Variants in SERPINA12 observed in about 807,000 individuals in gnomAD.
The protein encoded by SERPINA12 is serpin A12.
In SERPINA12, 21 loss-of-function variants were observed where a neutral mutation model predicts 25.9. The ratio of observed to expected loss-of-function variants is 0.81; its 90% CI spans 0.58 to 1.17. The LOEUF is 1.17. SERPINA12 is among the 50% of genes most tolerant of loss of function. The pLI, the probability that SERPINA12 is intolerant of heterozygous loss-of-function variation, is 0.00. For synonymous variants in SERPINA12, 220 were observed against 196.0 expected, an observed-to-expected ratio of 1.12 and a Z score of -1.02; for missense variants, 562 against 508.3, an observed-to-expected ratio of 1.11 and a Z score of -1.02.
chr14:94,502,348 C>T (rs942358796), intron 1 of SERPINA12, among the ~76,000 whole-genome samples: 7 of 152,144 alleles, frequency 4.6e-5, no homozygotes, highest in Non-Finnish European at 7.3e-5. Flanking sequence ...GTAGCATAGG[C>T]GGCTTAAGTC....
chr14:94,487,914 G>C (rs1323737175), intron 4 of SERPINA12, among the ~76,000 whole-genome samples: 1 of 152,140 alleles, frequency 6.6e-6, no homozygotes, highest in Non-Finnish European at 1.5e-5. Flanking sequence ...GAGGGAGAAG[G>C]ATTCTGGATT....
chr14:94,504,916 T>C (rs1403075507), intron 1 of SERPINA12, among the ~76,000 whole-genome samples: 1 of 152,172 alleles, frequency 6.6e-6, no homozygotes, highest in Non-Finnish European at 1.5e-5. Flanking sequence ...TAAAATAAAA[T>C]AAAATTCTTA....
At chr14:94,497,302 C>A (rs1900472708) in intron 2 of SERPINA12, among the ~76,000 whole-genome samples, 1 of 152,208 alleles carries the variant, frequency 6.6e-6, no homozygotes, top group African/African-American at 2.4e-5. Context: ...TGATCACCAT[C>A]ACCATAATCA....
At chr14:94,509,039 G>T (rs1167000700) in intron 1 of SERPINA12, among the ~76,000 whole-genome samples, 1 of 152,152 alleles carries the variant, frequency 6.6e-6, no homozygotes, top group East Asian at 1.9e-4. Context: ...ACAGTTAGCA[G>T]ATTCAGGACT....
At chr14:94,496,312 G>A in intron 3 of SERPINA12, 61 bp downstream of exon 3, 2 of 1,569,274 alleles carry the variant, frequency 1.3e-6, no homozygotes, top group Non-Finnish European at 1.7e-6. Context: ...AGCTCAGACA[G>A]CAGAAATAAG....
chr14:94,498,335 TAGA>T lies in SERPINA12; in HGVS notation c.60_62del (p.Leu21del). ...AATTCCTTGGTGAGAAGCTCGGCTTTAGAAGACCTTTCACCGTGAGGAGAACAG... is the reference window on the plus strand; with the variant it reads ...AATTCCTTGGTGAGAAGCTCGGCTTTAGACCTTTCACCGTGAGGAGAACAG... On this transcript the variant is annotated inframe_deletion, in exon 2 of 5. Transcript: ENST00000677451. 1.2e-6 allele frequency: 2 copies of T among 1,614,190 alleles called. No individual in the cohort carries two copies. Among genetic ancestry groups the T allele is most frequent in the Non-Finnish European group, 1.7e-6 (2 of 1,180,030 alleles).
At chr14:94,498,860 T>C (rs1900587883) in intron 1 of SERPINA12, among the ~76,000 whole-genome samples, 1 of 152,166 alleles carries the variant, frequency 6.6e-6, no homozygotes, top group South Asian at 2.1e-4. Context: ...TCTAAGGGAA[T>C]GCAAAACCCC....
intron 1 of SERPINA12, among the ~76,000 whole-genome samples, chr14:94,499,049 T>C (rs1900596580): frequency 6.6e-6 from 1 of 152,222 alleles, no homozygotes; most frequent in Non-Finnish European, 1.5e-5. Flanking sequence ...GCTACCCACT[T>C]CCATGTTTCC....
At chr14:94,509,936 G>A (rs1008450257), upstream of SERPINA12, 1 of 976,472 alleles carries the variant, frequency 1.0e-6, no homozygotes, top group Non-Finnish European at 1.2e-6. Flanking sequence ...CCCTGGCACT[G>A]CTATAGAATA....
At position 94,489,623 on chromosome 14, in the gene SERPINA12, G is replaced by A. The variant is rs374839437; in HGVS notation, c.1050C>T (p.Gly350=). Residue 350 remains glycine (G), a synonymous_variant, in exon 4 of 5, where the codon GGC becomes GGT. Transcript: ENST00000677451. The part of the protein sequence containing the change: ...KIAPHRSLKV[G]EAVHKAELKM... ...AGTCCAGGCTAGGCAGGCTTACCTCGCCCACTTTCAGGCTGCGATGAGGGG... is the reference window on the plus strand; with the variant it reads ...AGTCCAGGCTAGGCAGGCTTACCTCACCCACTTTCAGGCTGCGATGAGGGG... The A allele has an allele frequency of 3.3e-5, 54 of 1,613,698 alleles. No individual in the cohort carries two copies. Among genetic ancestry groups the A allele is most frequent in the African/African-American group, 6.7e-5 (5 of 74,888 alleles).
upstream of SERPINA12, among the ~76,000 whole-genome samples, chr14:94,512,413 A>G (rs1901134768): frequency 6.6e-6 from 1 of 152,250 alleles, no homozygotes; most frequent in South Asian, 2.1e-4. Context: ...GTGCTATCAA[A>G]TGCAAAGGCC....
intron 3 of SERPINA12, among the ~76,000 whole-genome samples, chr14:94,492,391 T>C (rs1900213648): frequency 6.6e-6 from 1 of 152,086 alleles, no homozygotes; most frequent in South Asian, 2.1e-4. Context: ...AATAATAGCA[T>C]TGAGATTTCC....
At chr14:94,509,929 T>C (rs1901065011), upstream of SERPINA12, 1 of 963,562 alleles carries the variant, frequency 1.0e-6, no homozygotes, top group Non-Finnish European at 1.2e-6. Context: ...GTGGGCACCC[T>C]GGCACTGCTA....
intron 3 of SERPINA12, 96 bp from the exon 4 acceptor site, chr14:94,489,863 G>A (rs1900088743): frequency 8.1e-7 from 1 of 1,239,610 alleles, no homozygotes; most frequent in Non-Finnish European, 1.1e-6. Context: ...TGTCCTCCCA[G>A]CCCCAAAGGT....
At chr14:94,494,041 C>T (rs1366778436) in intron 3 of SERPINA12, among the ~76,000 whole-genome samples, 2 of 152,126 alleles carry the variant, frequency 1.3e-5, no homozygotes, top group African/African-American at 4.8e-5. Context: ...GGAGTGCACT[C>T]AGGACAGTGA....
chr14:94,516,320 G>A (rs1240258591), intron 1 of SERPINA12, among the ~76,000 whole-genome samples: 1 of 152,184 alleles, frequency 6.6e-6, no homozygotes. Context: ...GGTATGAGTT[G>A]GGGCAGAATG....
upstream of SERPINA12, chr14:94,511,432 G>A (rs1901107103): frequency 4.1e-6 from 4 of 985,266 alleles, no homozygotes; most frequent in South Asian, 1.9e-4. Context: ...AAAAAAATAT[G>A]TGGATACAAC....
At chr14:94,498,493 C>A (rs1595693210) in intron 1 of SERPINA12, 63 bp from the exon 2 acceptor site, 4 of 1,337,786 alleles carry the variant, frequency 3.0e-6, no homozygotes, top group Non-Finnish European at 4.1e-6. Context: ...CAGAGGAAGA[C>A]CAGATGAAAG....
chr14:94,510,475 T>C (rs935581959), upstream of SERPINA12, among the ~76,000 whole-genome samples: 22 of 152,198 alleles, frequency 1.4e-4, no homozygotes, highest in African/African-American at 5.3e-4. Flanking sequence ...TTGGCATGAA[T>C]GTGGTGAAAG....
Sources: allele counts gnomAD v4.1 joint callset (sites outside exome capture counted in the v4.1 genomes callset), GRCh38; gene constraint gnomAD v4.1.1; transcripts MANE v1.5; gene names NCBI Gene and HGNC (gene_info 2026-07-23, HGNC 2026-07-21).